SIDT1: variants seen among roughly 807,000 people sequenced by gnomAD.
SIDT1 encodes the protein SID1 transmembrane family member 1.
A neutral mutation model predicts 107.5 loss-of-function variants in SIDT1; 101 were observed. That is an observed-to-expected ratio of 0.94 (90% confidence interval 0.80 to 1.11). SIDT1 has a LOEUF of 1.11. Among genes scored for constraint, SIDT1 ranks in the 50% least tolerant of loss-of-function variants. The pLI is 0.00. For synonymous variants in SIDT1, 395 were observed against 398.2 expected (o/e 0.99, Z 0.10); for missense variants, 1,076 against 1,058.2 (o/e 1.02, Z -0.23).
chr3:113,614,151 G>A (rs1025747379), intron 19 of SIDT1, among the ~76,000 whole-genome samples: 9 of 152,206 alleles, frequency 5.9e-5, no homozygotes, highest in South Asian at 4.1e-4. Flanking sequence ...TTTCATGGAC[G>A]TTCTGACCAG....
intron 1 of SIDT1, among the ~76,000 whole-genome samples, chr3:113,539,430 G>A (rs1451341809): frequency 6.6e-6 from 1 of 152,110 alleles, no homozygotes. Flanking sequence ...CTGCAGGAAG[G>A]TCCAAGTCTA....
intron 4 of SIDT1, among the ~76,000 whole-genome samples, chr3:113,577,473 CCT>C (rs1259389012): frequency 6.6e-6 from 1 of 151,992 alleles, no homozygotes; most frequent in Admixed American, 6.6e-5. Context: ...ATTAGTTTCT[CCT>C]CTCATAAAGA....
In SIDT1 at chr3:113,565,349, T is replaced by C. The variant is rs368618209; in HGVS notation, c.223-1071T>C. ...CAGTTCGAGACCAGCCTGGCCAACA[T>C]GGTGAAACCCCATCTCTACTAAAAA... On this transcript the variant is annotated intron_variant, in intron 1 of 24. Coordinates refer to ENST00000264852, the MANE Select transcript of SIDT1 (RefSeq NM_017699.3). 5.2e-4 allele frequency among the ~76,000 whole-genome samples: 79 copies of C among 152,174 alleles called. 1 individual carries two copies. The highest frequency in any genetic ancestry group is 1.9e-3 in the African/African-American group (78 of 41,518).
chr3:113,569,611 G>A (rs1376078577), intron 3 of SIDT1, among the ~76,000 whole-genome samples: 2 of 152,150 alleles, frequency 1.3e-5, no homozygotes, highest in African/African-American at 4.8e-5. Flanking sequence ...ATGAATGAGT[G>A]GTCAGAAGGA....
Position 113,591,793 on chromosome 3 carries a change from T to C in SIDT1, c.1002-1212T>C, listed in dbSNP as rs555092471. ...TGCTCAACAATTCCACTCCTAGCTA[T>C]ATACCCAAGATAATTGAAAACATAT... On this transcript the variant is annotated intron_variant, in intron 9 of 24. Coordinates refer to ENST00000264852, the MANE Select transcript of SIDT1 (RefSeq NM_017699.3). Among the ~76,000 whole-genome samples the C allele has an allele frequency of 1.4e-3, 212 of 152,362 alleles. 2 individuals are homozygous for C. The highest frequency in any genetic ancestry group is 4.9e-3 in the African/African-American group (202 of 41,588).
chr3:113,627,568 T>G, intron 24 of SIDT1, 78 bp from the exon 25 acceptor site: 1 of 1,362,396 alleles, frequency 7.3e-7, no homozygotes, highest in Admixed American at 1.7e-5. Context: ...CCAGTCTGTG[T>G]GCATCTCAGA....
At chr3:113,604,879 T>C in intron 13 of SIDT1, 31 bp from the exon 14 acceptor site, 1 of 1,612,486 alleles carries the variant, frequency 6.2e-7, no homozygotes, top group Admixed American at 1.7e-5. Flanking sequence ...CATTTGAAAA[T>C]AAGCATTTCT....
chr3:113,555,884 C>T (rs1940807534), intron 1 of SIDT1, among the ~76,000 whole-genome samples: 1 of 138,842 alleles, frequency 7.2e-6, no homozygotes, highest in Non-Finnish European at 1.5e-5. Flanking sequence ...GGTGATTGGG[C>T]TTATAAGTGT....
At chr3:113,630,684 C>T (rs1043733396), downstream of SIDT1, among the ~76,000 whole-genome samples, 2 of 152,192 alleles carry the variant, frequency 1.3e-5, no homozygotes, top group African/African-American at 2.4e-5. Flanking sequence ...TCCACCTACT[C>T]GCTATGTGCC....
chr3:113,595,463 C>T (rs1944476880), intron 10 of SIDT1, among the ~76,000 whole-genome samples: 1 of 151,980 alleles, frequency 6.6e-6, no homozygotes, highest in Non-Finnish European at 1.5e-5. Flanking sequence ...ACCTGTGCTC[C>T]AGCTACTTCG....
chr3:113,621,625 C>T (rs144961906), intron 21 of SIDT1, among the ~76,000 whole-genome samples: 2 of 152,150 alleles, frequency 1.3e-5, no homozygotes, highest in East Asian at 1.9e-4. Flanking sequence ...TGAAGAGAGA[C>T]GTCAGGTCCT....
intron 2 of SIDT1, among the ~76,000 whole-genome samples, chr3:113,567,024 A>C (rs1279583410): frequency 6.6e-6 from 1 of 152,212 alleles, no homozygotes; most frequent in African/African-American, 2.4e-5. Context: ...TCAGGGGAGA[A>C]GTGTATAAGA....
At chr3:113,612,444 G>C in intron 19 of SIDT1, 1 of 561,322 alleles carries the variant, frequency 1.8e-6, no homozygotes, top group Non-Finnish European at 3.4e-6. Context: ...GAGATGAGTT[G>C]TACCTCCAAC....
chr3:113,604,608 TA>T (rs1158641620), intron 13 of SIDT1, among the ~76,000 whole-genome samples: 6 of 152,174 alleles, frequency 3.9e-5, no homozygotes, highest in African/African-American at 1.2e-4. Flanking sequence ...ATTAACCTTT[TA>T]AAAAAATACA....
chr3:113,603,018 C>G lies in SIDT1; in HGVS notation c.1131C>G (p.Ser377=). The G allele has an allele frequency of 6.2e-7, 1 of 1,614,036 alleles. No homozygotes were observed. The highest frequency in any genetic ancestry group is 8.5e-7 in the Non-Finnish European group (1 of 1,179,972). ...SNYGTIDESS[S]SPGRQMSSSD... ...TCTCTGTTTCAGATGAGTCAAGCTC[C>G]AGTCCTGGAAGGCAGATGTCCTCCT... is the stretch of plus-strand genomic sequence containing the variant. The change falls in exon 12 of 25, where the codon TCC becomes TCG. Residue 377 remains serine, a synonymous_variant. Coordinates refer to ENST00000264852, the MANE Select transcript of SIDT1 (RefSeq NM_017699.3).
chr3:113,549,840 C>G (rs1940015569), intron 1 of SIDT1, among the ~76,000 whole-genome samples: 2 of 152,026 alleles, frequency 1.3e-5, no homozygotes, highest in African/African-American at 4.8e-5. Context: ...CAATTTTTCT[C>G]CTACGCTATC....
At chr3:113,573,598 A>G (rs1942652568) in intron 3 of SIDT1, among the ~76,000 whole-genome samples, 1 of 152,178 alleles carries the variant, frequency 6.6e-6, no homozygotes. Flanking sequence ...TGAAATCTCC[A>G]CAGTGATGGT....
rs138220562 is a variant in SIDT1, at chr3:113,601,605, G to A, written c.1063G>A (p.Ala355Thr). The stretch of plus-strand genomic sequence containing the variant: ...TTTAACAGGCTCTGGAAATATGGTG[G>A]CATCTCATCCCATTGCTGCCAGCAC... ...GSNDGSGNMV[A>T]SHPIAASTPE... is the part of the protein sequence containing the mutation. Residue 355 changes from alanine (A) to threonine (T), a missense_variant, in exon 11 of 25, where the codon GCA becomes ACA. Ala to Thr is a moderately conservative substitution (Grantham distance 58). Transcript: ENST00000264852. The A allele has an allele frequency of 7.4e-6, 12 of 1,613,610 alleles. No homozygotes were observed. In the African/African-American group the frequency reaches 1.2e-4, roughly 16 times the overall value.
chr3:113,609,158 G>T (rs1945561323), intron 17 of SIDT1, among the ~76,000 whole-genome samples: 1 of 149,306 alleles, frequency 6.7e-6, no homozygotes, highest in South Asian at 2.1e-4. Context: ...TGCCTCAGGG[G>T]TTCAAGTGAT....
Sources: allele counts gnomAD v4.1 joint callset (sites outside exome capture counted in the v4.1 genomes callset), GRCh38; gene constraint gnomAD v4.1.1; transcripts MANE v1.5; gene names NCBI Gene and HGNC (gene_info 2026-07-23, HGNC 2026-07-21).